Variants in PTPRK observed in about 807,000 individuals in gnomAD.
The protein encoded by PTPRK is protein tyrosine phosphatase receptor type K.
A neutral mutation model predicts 178.0 loss-of-function variants in PTPRK; 75 were observed. That is an observed-to-expected ratio of 0.42 (90% CI 0.35 to 0.51). PTPRK has a LOEUF of 0.51. PTPRK is among the 20% of genes least tolerant of loss of function. The pLI is 0.02. For missense variants in PTPRK, 1,441 were observed against 1,797.8 expected (o/e 0.80, Z 3.59); for synonymous variants, 637 against 620.6 (o/e 1.03, Z -0.39).
Position 128,009,178 on chromosome 6 carries a change from A to G in PTPRK, c.2285T>C (p.Leu762Ser). Residue 762 changes from leucine to serine, a missense_variant, in exon 14 of 30, where the codon TTG becomes TCG. This residue lies in a region of PTPRK where 945 missense variants were observed against 1,080.6 expected (regional missense o/e 0.87). Coordinates refer to ENST00000368226, the MANE Select transcript of PTPRK (RefSeq NM_002844.4). ...VKIAGISAGI[L>S]VFILLLLVVI... is the part of the protein sequence containing the mutation. The stretch of plus-strand genomic sequence containing the variant: ...AACTAGGAGAAGGAGGATGAACACC[A>G]AAATTCCAGCACTAATTCCTGCTAT... 6.2e-7 allele frequency: 1 copy of G among 1,609,198 alleles called. No individual in the cohort carries two copies. Among genetic ancestry groups the G allele is most frequent in the East Asian group, 2.2e-5 (1 of 44,704 alleles).
At chr6:127,972,258 G>A (rs891028459) in intron 29 of PTPRK, among the ~76,000 whole-genome samples, 7 of 152,206 alleles carry the variant, frequency 4.6e-5, no homozygotes, top group African/African-American at 1.7e-4. Flanking sequence ...CAACAATGAT[G>A]CCTTGGTTTT....
At chr6:128,202,851 C>T (rs997384184) in intron 6 of PTPRK, among the ~76,000 whole-genome samples, 6 of 152,162 alleles carry the variant, frequency 3.9e-5, no homozygotes, top group African/African-American at 1.2e-4. Context: ...ACCATTTCTA[C>T]GGAAACTAAT....
chr6:128,391,777 TATA>T (rs1043258184), intron 2 of PTPRK, among the ~76,000 whole-genome samples: 10 of 151,852 alleles, frequency 6.6e-5, no homozygotes, highest in South Asian at 2.1e-4. Flanking sequence ...CCATGGCATA[TATA>T]ATATTATTTT....
intron 2 of PTPRK, among the ~76,000 whole-genome samples, chr6:128,358,650 G>A (rs2128341019): frequency 6.6e-6 from 1 of 152,266 alleles, no homozygotes; most frequent in South Asian, 2.1e-4. Context: ...ATCTTCAGTA[G>A]CAGAATACCT....
At chr6:128,008,910 T>C (rs1778740155) in intron 14 of PTPRK, among the ~76,000 whole-genome samples, 1 of 151,130 alleles carries the variant, frequency 6.6e-6, no homozygotes, top group South Asian at 2.1e-4. Context: ...TAGGTCAACT[T>C]AACAAAAAGC....
At chr6:128,131,419 C>T (rs1794222660) in intron 7 of PTPRK, among the ~76,000 whole-genome samples, 1 of 152,140 alleles carries the variant, frequency 6.6e-6, no homozygotes, top group Non-Finnish European at 1.5e-5. Flanking sequence ...TATGAATGCT[C>T]TAGTCTGCAT....
At chr6:128,144,096 G>A (rs1004605190) in intron 7 of PTPRK, among the ~76,000 whole-genome samples, 1 of 151,960 alleles carries the variant, frequency 6.6e-6, no homozygotes, top group Non-Finnish European at 1.5e-5. Flanking sequence ...TATCCTCATT[G>A]TCCCACCACA....
At chr6:128,179,357 T>G (rs1169673659) in intron 7 of PTPRK, among the ~76,000 whole-genome samples, 2 of 151,932 alleles carry the variant, frequency 1.3e-5, no homozygotes, top group African/African-American at 2.4e-5. Flanking sequence ...AAACCAAAAA[T>G]TAGGTTATTA....
intron 3 of PTPRK, among the ~76,000 whole-genome samples, chr6:128,247,622 T>C (rs1815713877): frequency 1.3e-5 from 2 of 152,182 alleles, no homozygotes; most frequent in South Asian, 4.1e-4. Flanking sequence ...CCTGGCCTAG[T>C]TCGTACCCTT....
intron 2 of PTPRK, among the ~76,000 whole-genome samples, chr6:128,345,887 T>G (rs1472615828): frequency 6.6e-6 from 1 of 152,174 alleles, no homozygotes; most frequent in East Asian, 1.9e-4. Context: ...TAAATATGTC[T>G]AATCCTCAAA....
chr6:128,376,395 C>G (rs1399256403), intron 2 of PTPRK, among the ~76,000 whole-genome samples: 1 of 152,100 alleles, frequency 6.6e-6, no homozygotes, highest in Non-Finnish European at 1.5e-5. Context: ...CCAGAGCTAC[C>G]TTTCAGCCAT....
chr6:128,473,814 G>A (rs1851034654), intron 1 of PTPRK, among the ~76,000 whole-genome samples: 1 of 151,994 alleles, frequency 6.6e-6, no homozygotes, highest in Non-Finnish European at 1.5e-5. Flanking sequence ...CTACTACTGG[G>A]TTAAAAAGCT....
chr6:128,111,919 C>T (rs1040010264), intron 7 of PTPRK, among the ~76,000 whole-genome samples: 1 of 152,036 alleles, frequency 6.6e-6, no homozygotes, highest in Non-Finnish European at 1.5e-5. Context: ...ATATCTAACA[C>T]ATAACAGGTG....
intron 11 of PTPRK, among the ~76,000 whole-genome samples, chr6:128,070,057 A>C (rs1172231116): frequency 7.2e-5 from 11 of 152,178 alleles, no homozygotes; most frequent in Non-Finnish European, 1.6e-4. Flanking sequence ...CTTGTTTCAT[A>C]AAGAATTAAG....
chr6:128,212,797 C>T (rs146089374), intron 6 of PTPRK, among the ~76,000 whole-genome samples: 3 of 151,896 alleles, frequency 2.0e-5, no homozygotes, highest in African/African-American at 7.2e-5. Context: ...AGGGAAAGAA[C>T]TCTCATCGCA....
In PTPRK at chr6:128,508,015, C is replaced by T. The variant is rs145344744; in HGVS notation, c.100+12244G>A. Among the ~76,000 whole-genome samples the T allele has an allele frequency of 1.1e-3, 175 of 152,200 alleles. 1 individual carries two copies. Among genetic ancestry groups the T allele is most frequent in the African/African-American group, 3.9e-3 (164 of 41,550 alleles). ...GGGTAGTTTTGAGACTATGGAAAGA[C>T]TACTGATAGACTGGAATTATCCTAG... On this transcript the variant is annotated intron_variant, in intron 1 of 29. Transcript: ENST00000368226.
rs539620025 is a variant in PTPRK at position 128,472,969 on chromosome 6, T to C, written c.100+47290A>G. On this transcript the variant is annotated intron_variant, in intron 1 of 29. Coordinates refer to ENST00000368226, the MANE Select transcript of PTPRK (RefSeq NM_002844.4). ...AGTATTGCCTGCAAATTCTAAAATA[T>C]GTATTTCTTCTTTTATTTTAAAATT... Among the ~76,000 whole-genome samples the C allele has an allele frequency of 3.6e-4, 55 of 152,220 alleles. 1 individual carries two copies. The South Asian group carries it at 5.8e-3, about 16-fold the overall frequency.
intron 6 of PTPRK, among the ~76,000 whole-genome samples, chr6:128,203,900 C>T (rs1806428286): frequency 6.6e-6 from 1 of 152,068 alleles, no homozygotes; most frequent in Admixed American, 6.6e-5. Flanking sequence ...TATTGATGTT[C>T]CTCATAAAAT....
At position 128,394,566 on chromosome 6, in the gene PTPRK, T is replaced by C. The variant is rs374899437; in HGVS notation, c.223+3000A>G. ...GCATTTCTTTGATGACTGAGTTAAG[T>C]AGGTGTTCATAATTTCATATGATTT... On this transcript the variant is annotated intron_variant, in intron 2 of 29. Transcript: ENST00000368226. 3.3e-5 allele frequency among the ~76,000 whole-genome samples: 5 copies of C among 152,310 alleles called. 1 individual carries two copies. In the South Asian group the frequency reaches 1.0e-3, roughly 32 times the overall value.
Sources: allele counts gnomAD v4.1 joint callset (sites outside exome capture counted in the v4.1 genomes callset), GRCh38; gene constraint gnomAD v4.1.1; regional missense constraint gnomAD v4.1.1; transcripts MANE v1.5; gene names NCBI Gene and HGNC (gene_info 2026-07-23, HGNC 2026-07-21).